The following PPP1R1B variants were observed in gnomAD, a reference collection of about 807,000 sequenced individuals.
The protein encoded by PPP1R1B is protein phosphatase 1 regulatory inhibitor subunit 1B, also known as protein phosphatase 1 regulatory subunit 1B.
Under a neutral mutation model 28.2 loss-of-function variants are expected in PPP1R1B, and 13 were observed. The observed-to-expected ratio is 0.46, with a 90% CI of 0.30 to 0.73. The LOEUF is 0.73. PPP1R1B is among the 30% of genes least tolerant of loss of function. The pLI is 0.07. For missense variants in PPP1R1B, 236 were observed against 256.7 expected (o/e 0.92, Z 0.55); for synonymous variants, 102 against 97.5 (o/e 1.05, Z -0.27).
chr17:39,628,398 G>A (rs1311497190), intron 1 of PPP1R1B: 12 of 454,726 alleles, frequency 2.6e-5, no homozygotes, highest in Non-Finnish European at 3.4e-5. Context: ...GCTCAACAGG[G>A]ACCTAATTAA....
rs558483890 is a variant in PPP1R1B at position 39,636,134 on chromosome 17, T to A, written c.*269T>A. 1 of 514,540 alleles carries A rather than the reference T, an allele frequency of 1.9e-6. No individual in the cohort carries two copies. 31.9% of individuals were successfully genotyped at this position (514,540 alleles called of 1,614,324 possible). On this transcript the variant is annotated 3_prime_UTR_variant, in exon 7 of 7. Transcript: ENST00000254079. ...GAGGTGGGATGTGAGACAGCCCACA[T>A]TGGAAAATCCAGAAAACCGGGAACA...
At position 39,635,647 on chromosome 17, in the gene PPP1R1B, C is replaced by T. The variant is rs541976263; in HGVS notation, c.486C>T (p.Pro162=). ...CCTGTGGCCAGGGTCTGGAAGGGCC[C>T]TGGGAGCGCCCACCCCCTCTGGATG... ...KTTCGQGLEG[P]WERPPPLDES... The change falls in exon 6 of 7, where the codon CCC becomes CCT. Residue 162 remains proline (P), a synonymous_variant. Coordinates refer to ENST00000254079, the MANE Select transcript of PPP1R1B (RefSeq NM_032192.4). The T allele has an allele frequency of 3.1e-6, 5 of 1,614,162 alleles. No individual in the cohort carries two copies. Among genetic ancestry groups the T allele is most frequent in the East Asian group, 4.5e-5 (2 of 44,876 alleles).
At position 39,627,227 on chromosome 17, in the gene PPP1R1B, C is replaced by T. The variant is rs182030476; in HGVS notation, c.-166C>T. 7.6e-6 allele frequency: 4 copies of T among 529,610 alleles called. No homozygotes were observed. Among genetic ancestry groups the T allele is most frequent in the East Asian group, 3.6e-5 (1 of 28,078 alleles). 32.8% of individuals were successfully genotyped at this position (529,610 alleles called of 1,614,324 possible). On this transcript the variant is annotated 5_prime_UTR_variant, in exon 1 of 7. Transcript: ENST00000254079. ...CCAGCCCGGGCGCCGACCCTCCTCC[C>T]GCTCCCGCGCCCTCCCCTCGGCGGG...
chr17:39,627,386 G>A lies in PPP1R1B; in HGVS notation c.-7G>A, dbSNP rs774067860. The A allele has an allele frequency of 1.9e-6, 3 of 1,583,614 alleles. No individual in the cohort carries two copies. The highest frequency in any genetic ancestry group is 2.6e-6 in the Non-Finnish European group (3 of 1,164,708). On this transcript the variant is annotated 5_prime_UTR_variant, in exon 1 of 7. Transcript: ENST00000254079. ...GCACCCCAGCCCCACCGCCCACCCC[G>A]CGCGCCATGGACCCCAAGGACCGCA...
At position 39,629,557 on chromosome 17, in the gene PPP1R1B, C is replaced by T. The variant is rs145932715; in HGVS notation, c.160C>T (p.His54Tyr). Residue 54 changes from histidine to tyrosine, a missense_variant, in exon 3 of 7, where the codon CAC becomes TAC. By Grantham distance (83) the His-to-Tyr change is moderately conservative. Coordinates refer to ENST00000254079, the MANE Select transcript of PPP1R1B (RefSeq NM_032192.4). The stretch of plus-strand genomic sequence containing the variant: ...TTCCTCAGAGGAGGAAGCCTCCCCC[C>T]ACCAGGTGAGTTTCCTGGGGCAGCT... ...HSSPEEEASP[H>Y]QRASGEGHHL... The T allele has an allele frequency of 1.2e-5, 19 of 1,613,616 alleles. No homozygotes were observed. The highest frequency in any genetic ancestry group is 1.5e-5 in the Non-Finnish European group (18 of 1,179,964).
intron 1 of PPP1R1B, 55 bp from the exon 2 acceptor site, chr17:39,629,115 G>A: frequency 6.5e-7 from 1 of 1,545,944 alleles, no homozygotes; most frequent in South Asian, 1.1e-5. Flanking sequence ...TGCTGCCTGG[G>A]GGTGGGGGAG....
Position 39,627,286 on chromosome 17 carries a change from C to T in PPP1R1B, c.-107C>T. 1 of 732,222 alleles carries T rather than the reference C, an allele frequency of 1.4e-6. No homozygotes were observed. Among genetic ancestry groups the T allele is most frequent in the East Asian group, 3.2e-5 (1 of 30,822 alleles). The allele number at this position is 732,222 out of a possible 1,614,324, so 45.4% of individuals were successfully genotyped here. A position where few individuals can be genotyped will look rare whatever the true frequency, so the allele number is the denominator to read the frequency against. ...TTTTATCCGTGCGCGAACAGCCCTC[C>T]TCCTCCTCTCGCCGCACAGCCCGCC... On this transcript the variant is annotated 5_prime_UTR_variant, in exon 1 of 7. Transcript: ENST00000254079.
At chr17:39,635,481 T>C in intron 5 of PPP1R1B, 126 bp from the exon 6 acceptor site, 1 of 1,310,556 alleles carries the variant, frequency 7.6e-7, no homozygotes, top group Non-Finnish European at 1.1e-6. Context: ...AGCCCAGTTC[T>C]CTCTCCATGC....
At chr17:39,631,317 CA>C (rs1424068617) in intron 4 of PPP1R1B, among the ~76,000 whole-genome samples, 1 of 152,236 alleles carries the variant, frequency 6.6e-6, no homozygotes, top group Non-Finnish European at 1.5e-5. Context: ...AGGAATTTAA[CA>C]GGCAGGCAAG....
At chr17:39,629,867 T>C in intron 3 of PPP1R1B, 105 bp from the exon 4 acceptor site, 1 of 1,211,502 alleles carries the variant, frequency 8.3e-7, no homozygotes, top group South Asian at 1.2e-5. Flanking sequence ...CCATTAGCAG[T>C]GGCTAAATCA....
rs1301728869 is a variant in PPP1R1B, at chr17:39,629,444, C to A, written c.143-96C>A. On this transcript the variant is annotated intron_variant, in intron 2 of 6. Coordinates refer to ENST00000254079, the MANE Select transcript of PPP1R1B (RefSeq NM_032192.4). ...CTTTCCCTGTCCCCAGAGATTGAGACCCTGGGGAAAATAACTCGGATTCTT... is the reference window on the plus strand; with the variant it reads ...CTTTCCCTGTCCCCAGAGATTGAGAACCTGGGGAAAATAACTCGGATTCTT... 4.6e-6 allele frequency: 7 copies of A among 1,524,886 alleles called. No homozygotes were observed. In the Admixed American group the frequency reaches 8.5e-5, roughly 19 times the overall value. 94.5% of individuals were successfully genotyped at this position (1,524,886 alleles called of 1,614,324 possible). A position where few individuals can be genotyped will look rare whatever the true frequency, so the allele number is the denominator to read the frequency against.
chr17:39,631,497 A>G lies in PPP1R1B; in HGVS notation c.241+1450A>G, dbSNP rs1597779107. On this transcript the variant is annotated intron_variant, in intron 4 of 6. Transcript: ENST00000254079. ...TCTTCCTGACTAAGCCCTGTTGCCT[A>G]CCAACCCCCCACCTCAACTCCTGCC... Among the ~76,000 whole-genome samples the G allele has an allele frequency of 3.3e-5, 5 of 152,316 alleles. No homozygotes were observed. In the South Asian group the frequency reaches 1.0e-3, roughly 32 times the overall value.
At chr17:39,629,426 T>C (rs1434817280) in intron 2 of PPP1R1B, 114 bp from the exon 3 acceptor site, 19 of 1,439,612 alleles carry the variant, frequency 1.3e-5, no homozygotes, top group Non-Finnish European at 1.8e-5. Context: ...ACACTTTCCC[T>C]GTCCCCAGAG....
At chr17:39,627,535 C>T (rs1359165745) in intron 1 of PPP1R1B, 62 bp downstream of exon 1, 1 of 1,051,428 alleles carries the variant, frequency 9.5e-7, no homozygotes, top group Non-Finnish European at 1.3e-6. Context: ...CTTCTTCGCC[C>T]TCCCAAGGCG....
chr17:39,633,925 A>G lies in PPP1R1B; in HGVS notation c.284A>G (p.Asn95Ser), dbSNP rs1597781172. The G allele has an allele frequency of 6.2e-7, 1 of 1,613,864 alleles. No homozygotes were observed. Among genetic ancestry groups the G allele is most frequent in the South Asian group, 1.1e-5 (1 of 91,072 alleles). ...GAGTCTCACCTGCAGTCTATCAGCA[A>G]TTTGAATGAGAACCAGGCCTCAGAG... The part of the protein sequence containing the change: ...IAESHLQSIS[N>S]LNENQASEEE... The change falls in exon 5 of 7, where the codon AAT becomes AGT. Residue 95 changes from asparagine to serine, a missense_variant. Physicochemically the swap from Asn to Ser is conservative, Grantham distance 46. Transcript: ENST00000254079.
intron 4 of PPP1R1B, among the ~76,000 whole-genome samples, chr17:39,630,734 G>T (rs947181933): frequency 1.3e-5 from 2 of 152,078 alleles, no homozygotes; most frequent in African/African-American, 4.8e-5. Flanking sequence ...GACCAGCTTG[G>T]GCAATACAGT....
Position 39,627,061 on chromosome 17 carries a change from C to G in PPP1R1B, c.-332C>G. The G allele has an allele frequency of 3.1e-6, 1 of 325,772 alleles. No homozygotes were observed. The highest frequency in any genetic ancestry group is 2.2e-5 in the African/African-American group (1 of 45,626). 20.2% of individuals were successfully genotyped at this position (325,772 alleles called of 1,614,324 possible). ...AGAGACACTCAGGAGGGGAGAGACA[C>G]CGAGACGCAGAGACACTCAGGAGGG... is the stretch of plus-strand genomic sequence containing the variant. On this transcript the variant is annotated 5_prime_UTR_variant, in exon 1 of 7. Coordinates refer to ENST00000254079, the MANE Select transcript of PPP1R1B (RefSeq NM_032192.4).
chr17:39,629,831 G>A, intron 3 of PPP1R1B, 141 bp from the exon 4 acceptor site: 1 of 955,480 alleles, frequency 1.0e-6, no homozygotes, highest in Non-Finnish European at 1.6e-6. Context: ...GCCACAGGGT[G>A]GGGAGGCTCA....
chr17:39,635,933 C>T lies in PPP1R1B; in HGVS notation c.*68C>T. 6.4e-7 allele frequency: 1 copy of T among 1,550,560 alleles called. No individual in the cohort carries two copies. The highest frequency in any genetic ancestry group is 8.8e-7 in the Non-Finnish European group (1 of 1,134,540). ...GCTGTTCCCCAGAAACCCACTCTAT[C>T]CTCACCCTGTTTTGTGCTCTTCCCC... On this transcript the variant is annotated 3_prime_UTR_variant, in exon 7 of 7. Coordinates refer to ENST00000254079, the MANE Select transcript of PPP1R1B (RefSeq NM_032192.4).
Sources: allele counts gnomAD v4.1 joint callset (sites outside exome capture counted in the v4.1 genomes callset), GRCh38; gene constraint gnomAD v4.1.1; transcripts MANE v1.5; gene names NCBI Gene and HGNC (gene_info 2026-07-23, HGNC 2026-07-21).